The following CASTOR2 variants were observed in gnomAD, a reference collection of about 807,000 sequenced individuals.
The protein encoded by CASTOR2 is GATS protein like 2.
CASTOR2 carries 8 observed loss-of-function variants against 31.2 expected under a neutral mutation model. The ratio of observed to expected loss-of-function variants is 0.26; its 90% CI spans 0.15 to 0.46. CASTOR2 has a LOEUF of 0.46. CASTOR2 is among the 20% of genes least tolerant of loss of function. The pLI is 0.99. For missense variants in CASTOR2, 216 were observed against 382.1 expected (o/e 0.57, Z 3.62); for synonymous variants, 162 against 158.7 (o/e 1.02, Z -0.16).
intron 1 of CASTOR2, among the ~76,000 whole-genome samples, chr7:74,995,289 G>T (rs1444288541): frequency 3.3e-5 from 5 of 151,876 alleles, no homozygotes; most frequent in African/African-American, 1.2e-4. Flanking sequence ...TCAGGGAGGT[G>T]CTTGGGAGAG....
Position 75,017,340 on chromosome 7 carries a change from G to A in CASTOR2, c.185-258G>A, listed in dbSNP as rs587621511. Among the ~76,000 whole-genome samples, 30 of 151,886 alleles carry A rather than the reference G, an allele frequency of 2.0e-4. No individual in the cohort carries two copies. The South Asian group carries it at 3.3e-3, about 17-fold the overall frequency. On this transcript the variant is annotated intron_variant, in intron 2 of 8. Transcript: ENST00000616305. Reference sequence around the variant, plus strand: ...CATGTGCCTGTAATCCCAGCTACTCGGGAGGCTGATGCAGGAGAATCACTT... The same window carrying A: ...CATGTGCCTGTAATCCCAGCTACTCAGGAGGCTGATGCAGGAGAATCACTT...
rs888411767 is a variant in CASTOR2 at position 75,028,281 on chromosome 7, C to T, written c.*3582C>T. On this transcript the variant is annotated 3_prime_UTR_variant, in exon 9 of 9. Transcript: ENST00000616305. ...GATTACAGGCACTCACCACCACACGCGGCTAATTTTTGTATTTTTGGTAGA... is the reference window on the plus strand; with the variant it reads ...GATTACAGGCACTCACCACCACACGTGGCTAATTTTTGTATTTTTGGTAGA... Among the ~76,000 whole-genome samples, 14 of 151,984 alleles carry T rather than the reference C, an allele frequency of 9.2e-5. No homozygotes were observed. Among genetic ancestry groups the T allele is most frequent in the Non-Finnish European group, 1.8e-4 (12 of 68,004 alleles).
intron 2 of CASTOR2, among the ~76,000 whole-genome samples, chr7:75,015,731 A>C (rs1327072440): frequency 1.4e-5 from 2 of 142,884 alleles, no homozygotes; most frequent in African/African-American, 4.9e-5. Flanking sequence ...TGAGCCTTCC[A>C]GGTCCAGGGT....
chr7:74,984,465 C>G (rs1190046425), intron 1 of CASTOR2, among the ~76,000 whole-genome samples: 1 of 152,136 alleles, frequency 6.6e-6, no homozygotes, highest in East Asian at 1.9e-4. Context: ...TGGGACCTGC[C>G]AACCATGGTT....
At position 75,009,429 on chromosome 7, in the gene CASTOR2, G is replaced by A. The variant is rs1268375319; in HGVS notation, c.184+1365G>A. Reference sequence around the variant, plus strand: ...ACTACAGGCGCCCGCCACCACGCCCGGCTAATTTTTTGTATTTTTTAGTAG... The same window carrying A: ...ACTACAGGCGCCCGCCACCACGCCCAGCTAATTTTTTGTATTTTTTAGTAG... On this transcript the variant is annotated intron_variant, in intron 2 of 8. Transcript: ENST00000616305. Among the ~76,000 whole-genome samples the A allele has an allele frequency of 8.6e-5, 13 of 150,884 alleles. No homozygotes were observed. The East Asian group carries it at 1.2e-3, about 14-fold the overall frequency.
intron 1 of CASTOR2, among the ~76,000 whole-genome samples, chr7:74,996,350 T>G (rs1462899759): frequency 2.0e-5 from 3 of 151,442 alleles, no homozygotes; most frequent in Non-Finnish European, 4.4e-5. Context: ...ACTCCGAGAG[T>G]TACCATGTGA....
rs2527253 is a variant in CASTOR2, at chr7:74,965,912, T to A, written c.113+814T>A. ...CTCTCTCTCTCTCTCTCTCTCTCTC[T>A]CACTTGGATTTTCCCTATGCCAGGT... On this transcript the variant is annotated intron_variant, in intron 1 of 8. Coordinates refer to ENST00000616305, the MANE Select transcript of CASTOR2 (RefSeq NM_001145064.3). Among the ~76,000 whole-genome samples, 141 of 30,490 alleles carry A rather than the reference T, an allele frequency of 4.6e-3. 19 individuals carry two copies. The highest frequency in any genetic ancestry group is 0.029 in the South Asian group (26 of 906). 20.0% of individuals were successfully genotyped at this position (30,490 alleles called of 152,430 possible).
At chr7:75,004,371 G>C (rs1804562680) in intron 1 of CASTOR2, among the ~76,000 whole-genome samples, 1 of 152,186 alleles carries the variant, frequency 6.6e-6, no homozygotes, top group African/African-American at 2.4e-5. Context: ...AAATTGATGA[G>C]CGTGGGTGGT....
chr7:75,017,740 C>G lies in CASTOR2; in HGVS notation c.327C>G (p.Asp109Glu). 1 of 1,614,024 alleles carries G rather than the reference C, an allele frequency of 6.2e-7. No individual in the cohort carries two copies. Among genetic ancestry groups the G allele is most frequent in the Non-Finnish European group, 8.5e-7 (1 of 1,179,884 alleles). The change falls in exon 3 of 9, where the codon GAC becomes GAG. Residue 109 changes from aspartate (D) to glutamate (E), a missense_variant. This residue lies in a region of CASTOR2 where 114 missense variants were observed against 194.2 expected (regional missense o/e 0.59). Transcript: ENST00000616305. ...AGTCAGTCATCGCCCCACTGGCTGA[C>G]CAGAACATATCCGTGTTCATGCTGT... Reference protein sequence around the residue: ...IAKSVIAPLADQNISVFMLST... With the variant: ...IAKSVIAPLAEQNISVFMLST...
intron 4 of CASTOR2, among the ~76,000 whole-genome samples, chr7:75,018,333 A>C (rs2087809902): frequency 6.6e-6 from 1 of 152,180 alleles, no homozygotes; most frequent in South Asian, 2.1e-4. Context: ...TGAGGTCAGG[A>C]GTTTGAGACC....
chr7:75,020,663 G>A (rs1438250825), intron 6 of CASTOR2, among the ~76,000 whole-genome samples: 6 of 151,652 alleles, frequency 4.0e-5, no homozygotes, highest in South Asian at 4.2e-4. Context: ...CTAATTTTTT[G>A]TATTTTTAGT....
At chr7:74,987,554 A>G (rs1187099015) in intron 1 of CASTOR2, among the ~76,000 whole-genome samples, 1 of 152,144 alleles carries the variant, frequency 6.6e-6, no homozygotes, top group Admixed American at 6.6e-5. Flanking sequence ...AGGTGGCCCA[A>G]GGGAGACCAA....
chr7:75,020,242 TTTG>T lies in CASTOR2; in HGVS notation c.746+102_746+104del, dbSNP rs1462222649. On this transcript the variant is annotated intron_variant, in intron 6 of 8. Coordinates refer to ENST00000616305, the MANE Select transcript of CASTOR2 (RefSeq NM_001145064.3). ...GGCACATCACCCACTTTGTCTTTTA[TTTG>T]TTGTTGTTTTTTTTTGATACGGGGT... 6.1e-5 allele frequency: 76 copies of T among 1,236,936 alleles called. 2 individuals carry two copies. Among genetic ancestry groups the T allele is most frequent in the South Asian group, 2.7e-4 (20 of 74,134 alleles). 76.6% of individuals were successfully genotyped at this position (1,236,936 alleles called of 1,614,324 possible).
At chr7:75,017,225 G>T (rs1388806495) in intron 2 of CASTOR2, among the ~76,000 whole-genome samples, 1 of 152,092 alleles carries the variant, frequency 6.6e-6, no homozygotes, top group African/African-American at 2.4e-5. Flanking sequence ...GATGCGGGCG[G>T]ATCACGAGGT....
intron 7 of CASTOR2, among the ~76,000 whole-genome samples, chr7:75,023,342 C>T (rs1805050327): frequency 6.6e-6 from 1 of 152,048 alleles, no homozygotes; most frequent in African/African-American, 2.4e-5. Flanking sequence ...ACACTTTCTC[C>T]TATATAACCA....
chr7:74,967,351 G>T (rs1803588620), intron 1 of CASTOR2, among the ~76,000 whole-genome samples: 1 of 135,740 alleles, frequency 7.4e-6, no homozygotes, highest in African/African-American at 2.6e-5. Flanking sequence ...TTAATGGGTC[G>T]CAGCCTGCCG....
chr7:75,025,317 C>T lies in CASTOR2; in HGVS notation c.*618C>T, dbSNP rs1805097211. On this transcript the variant is annotated 3_prime_UTR_variant, in exon 9 of 9. Coordinates refer to ENST00000616305, the MANE Select transcript of CASTOR2 (RefSeq NM_001145064.3). Reference sequence around the variant, plus strand: ...CCAGACTCCCCCTGTACCTCGCCTGCCAACCACAGGGCCTGGGCCCGACTC... The same window carrying T: ...CCAGACTCCCCCTGTACCTCGCCTGTCAACCACAGGGCCTGGGCCCGACTC... 6.6e-6 allele frequency among the ~76,000 whole-genome samples: 1 copy of T among 152,180 alleles called. No homozygotes were observed. The highest frequency in any genetic ancestry group is 1.5e-5 in the Non-Finnish European group (1 of 68,018).
chr7:74,993,052 T>G (rs1211518746), intron 1 of CASTOR2, among the ~76,000 whole-genome samples: 1 of 142,496 alleles, frequency 7.0e-6, no homozygotes, highest in Non-Finnish European at 1.5e-5. Context: ...ATACAAAAAT[T>G]AGCTGGGTGT....
intron 7 of CASTOR2, among the ~76,000 whole-genome samples, chr7:75,023,180 C>T (rs1805045024): frequency 6.6e-6 from 1 of 151,988 alleles, no homozygotes; most frequent in African/African-American, 2.4e-5. Flanking sequence ...TGGTGGCAGG[C>T]GCCTGTAGTC....
Sources: gnomAD v4.1 joint callset for allele counts (sites outside exome capture counted in the v4.1 genomes callset) on GRCh38, gnomAD v4.1.1 for gene constraint, gnomAD v4.1.1 regional missense constraint, MANE v1.5 for transcripts, NCBI Gene and HGNC (gene_info 2026-07-23, HGNC 2026-07-21) for gene names.